FRMPD1: variants seen among roughly 807,000 people sequenced by gnomAD.
The protein encoded by FRMPD1 is FERM and PDZ domain containing 1.
A neutral mutation model predicts 117.8 loss-of-function variants in FRMPD1; 76 were observed. The ratio of observed to expected loss-of-function variants is 0.65; its 90% CI spans 0.54 to 0.78. The LOEUF is 0.78. Among genes scored for constraint, FRMPD1 ranks in the 30% least tolerant of loss-of-function variants. FRMPD1 has a pLI of 0.00. For missense variants in FRMPD1, 1,786 were observed against 1,964.5 expected, an observed-to-expected ratio of 0.91 and a Z score of 1.72; for synonymous variants, 783 against 770.4, an observed-to-expected ratio of 1.02 and a Z score of -0.27.
chr9:37,617,867 T>C, the FRMPD1 span, among the ~76,000 whole-genome samples: 1 of 152,240 alleles, frequency 6.6e-6, no homozygotes, highest in Non-Finnish European at 1.5e-5. Flanking sequence ...ACTGGACAGC[T>C]GCCCTTTCGT....
chr9:37,707,620 G>T (rs527918972), intron 3 of FRMPD1, 47 bp downstream of exon 3: 34 of 1,490,834 alleles, frequency 2.3e-5, no homozygotes, highest in Non-Finnish European at 3.2e-5. Flanking sequence ...TTCTTAAGGG[G>T]AAATAGCCCC....
chr9:37,673,804 A>G (rs1340562951), intron 1 of FRMPD1, among the ~76,000 whole-genome samples: 1 of 152,244 alleles, frequency 6.6e-6, no homozygotes, highest in Admixed American at 6.5e-5. Context: ...CCCAAGCTGT[A>G]CATTGGCCCC....
At chr9:37,652,414 G>T (rs1050663666) in intron 1 of FRMPD1, among the ~76,000 whole-genome samples, 7 of 152,170 alleles carry the variant, frequency 4.6e-5, no homozygotes, top group African/African-American at 1.7e-4. Flanking sequence ...TTATTCTTTT[G>T]CCCAATATCT....
At chr9:37,634,729 T>C in the FRMPD1 span, among the ~76,000 whole-genome samples, 1 of 152,138 alleles carries the variant, frequency 6.6e-6, no homozygotes, top group Non-Finnish European at 1.5e-5. Context: ...ACAAGATACA[T>C]GGAAGGTAAA....
the FRMPD1 span, among the ~76,000 whole-genome samples, chr9:37,627,846 A>C: frequency 2.8e-4 from 43 of 152,352 alleles, no homozygotes; most frequent in East Asian, 7.5e-3. Context: ...TATATAGCCT[A>C]TTCAGGCTAC....
the FRMPD1 span, among the ~76,000 whole-genome samples, chr9:37,627,316 C>G: frequency 6.6e-6 from 1 of 152,136 alleles, no homozygotes; most frequent in Non-Finnish European, 1.5e-5. Context: ...AATCCTCTAC[C>G]TTCTTCAATT....
rs1396327025 is a variant in FRMPD1 at position 37,744,411 on chromosome 9, A to C, written c.2379A>C (p.Ala793=). 3 of 1,607,334 alleles carry C rather than the reference A, an allele frequency of 1.9e-6. No individual in the cohort carries two copies. The highest frequency in any genetic ancestry group is 1.7e-5 in the Admixed American group (1 of 58,990). Residue 793 remains alanine (A), a synonymous_variant, in exon 16 of 16, where the codon GCA becomes GCC. Transcript: ENST00000377765. ...PPSGPRDVST[A]EPSATSLQNK... ...CAGGGCCCAGAGATGTTTCTACTGC[A>C]GAACCCAGTGCCACAAGCTTGCAGA...
intron 15 of FRMPD1, among the ~76,000 whole-genome samples, chr9:37,743,929 G>A (rs1276769685): frequency 6.6e-6 from 1 of 151,612 alleles, no homozygotes; most frequent in Non-Finnish European, 1.5e-5. Flanking sequence ...GCCAGGCGCG[G>A]TGGCTCATGC....
At chr9:37,692,950 C>G (rs576022216) in intron 2 of FRMPD1, among the ~76,000 whole-genome samples, 3 of 152,254 alleles carry the variant, frequency 2.0e-5, no homozygotes, top group South Asian at 2.1e-4. Flanking sequence ...TACACACACA[C>G]AGAGACACCC....
intron 1 of FRMPD1, among the ~76,000 whole-genome samples, chr9:37,662,551 A>G (rs10973471): frequency 0.07 from 10,689 of 152,286 alleles, 449 homozygotes; most frequent in African/African-American, 0.1. Flanking sequence ...GAACCAGAAC[A>G]GGGAGAGACT....
In FRMPD1 at chr9:37,660,086, G is replaced by A. The variant is rs139975456; in HGVS notation, c.-5+8992G>A. On this transcript the variant is annotated intron_variant, in intron 1 of 15. Transcript: ENST00000377765. The stretch of plus-strand genomic sequence containing the variant: ...GCTGCCCCCAGGATTCCTGTCCGAC[G>A]GCATCCTCCTAGATGGCTGCTGCAC... 7.4e-3 allele frequency among the ~76,000 whole-genome samples: 1,122 copies of A among 152,030 alleles called. 15 individuals are homozygous for A. The highest frequency in any genetic ancestry group is 0.025 in the African/African-American group (1,056 of 41,442).
At chr9:37,676,447 G>T (rs1243386805) in intron 1 of FRMPD1, among the ~76,000 whole-genome samples, 2 of 152,048 alleles carry the variant, frequency 1.3e-5, no homozygotes, top group East Asian at 3.9e-4. Flanking sequence ...GCTTAATTAG[G>T]GCTGAATTTC....
chr9:37,718,394 T>TCACA (rs1305611215), intron 5 of FRMPD1, among the ~76,000 whole-genome samples: 1 of 152,200 alleles, frequency 6.6e-6, no homozygotes, highest in Non-Finnish European at 1.5e-5. Context: ...TCCAGGAAGG[T>TCACA]CACAGCCTGT....
At chr9:37,616,485 T>C in the FRMPD1 span, among the ~76,000 whole-genome samples, 2 of 152,186 alleles carry the variant, frequency 1.3e-5, no homozygotes, top group Non-Finnish European at 2.9e-5. Context: ...GAGTTGCTTA[T>C]GGTCACACAG....
intron 2 of FRMPD1, among the ~76,000 whole-genome samples, chr9:37,700,932 ATGT>A (rs773454773): frequency 6.6e-6 from 1 of 152,186 alleles, no homozygotes; most frequent in Non-Finnish European, 1.5e-5. Context: ...AGAGGAGGAA[ATGT>A]TGTTACAGAG....
At chr9:37,706,936 GTCCATCCATCCATCCA>G (rs66686416) in intron 2 of FRMPD1, among the ~76,000 whole-genome samples, 1 of 150,046 alleles carries the variant, frequency 6.7e-6, no homozygotes, top group Non-Finnish European at 1.5e-5. Flanking sequence ...CTGTCAGTCC[GTCCATCCATCCATCCA>G]TCCATCCATC....
At chr9:37,679,466 A>G (rs750191550) in intron 1 of FRMPD1, among the ~76,000 whole-genome samples, 11 of 152,236 alleles carry the variant, frequency 7.2e-5, no homozygotes, top group Non-Finnish European at 1.5e-4. Flanking sequence ...AGCATAGTCA[A>G]CTTGAGAACA....
upstream of FRMPD1, among the ~76,000 whole-genome samples, chr9:37,647,656 T>C (rs1278571182): frequency 2.0e-5 from 3 of 152,208 alleles, no homozygotes; most frequent in African/African-American, 7.2e-5. Flanking sequence ...AATAAGACAT[T>C]GTATTTCTCA....
At chr9:37,737,549 C>A (rs1165968322) in intron 14 of FRMPD1, among the ~76,000 whole-genome samples, 1 of 152,174 alleles carries the variant, frequency 6.6e-6, no homozygotes, top group Non-Finnish European at 1.5e-5. Context: ...CTCAGCCAGG[C>A]ATTGTGGCTC....
Sources: gnomAD v4.1 joint callset for allele counts (sites outside exome capture counted in the v4.1 genomes callset) on GRCh38, gnomAD v4.1.1 for gene constraint, MANE v1.5 for transcripts, NCBI Gene and HGNC (gene_info 2026-07-23, HGNC 2026-07-21) for gene names.